The following PHLDB2 variants were observed in gnomAD, a reference collection of about 807,000 sequenced individuals.
PHLDB2 encodes the protein pleckstrin homology-like domain family B member 2.
A neutral mutation model predicts 123.6 loss-of-function variants in PHLDB2; 71 were observed. The ratio of observed to expected loss-of-function variants is 0.57; its 90% confidence interval spans 0.47 to 0.70. The LOEUF (loss-of-function observed/expected upper bound fraction) is 0.70. PHLDB2 is among the 30% of genes least tolerant of loss of function. The pLI is 0.00. For missense variants in PHLDB2, 1,446 were observed against 1,519.5 expected (o/e 0.95, Z 0.80); for synonymous variants, 547 against 541.6 (o/e 1.01, Z -0.14).
At chr3:111,923,758 C>G (rs1261520560) in intron 5 of PHLDB2, among the ~76,000 whole-genome samples, 1 of 152,192 alleles carries the variant, frequency 6.6e-6, no homozygotes. Flanking sequence ...TCCCTACATT[C>G]AGTTGATTAC....
chr3:111,935,500 AAGAT>A (rs67765854), intron 6 of PHLDB2, among the ~76,000 whole-genome samples: 3,613 of 145,714 alleles, frequency 0.025, 61 homozygotes, highest in African/African-American at 0.033. Flanking sequence ...ATGTGTATAT[AAGAT>A]AGATAGATAG....
chr3:111,751,744 C>T (rs1021626595), intron 1 of PHLDB2, among the ~76,000 whole-genome samples: 1 of 151,210 alleles, frequency 6.6e-6, no homozygotes, highest in East Asian at 1.9e-4. Flanking sequence ...TGCTAAATGA[C>T]GAGTTAATGG....
chr3:111,820,317 GT>G, intron 1 of PHLDB2, among the ~76,000 whole-genome samples: 1 of 152,196 alleles, frequency 6.6e-6, no homozygotes, highest in Admixed American at 6.5e-5. Flanking sequence ...TTAAAGAAAT[GT>G]TTTTTTCTTC....
At chr3:111,903,761 A>G (rs767342706) in intron 2 of PHLDB2, among the ~76,000 whole-genome samples, 4 of 152,200 alleles carry the variant, frequency 2.6e-5, no homozygotes, top group Admixed American at 2.6e-4. Flanking sequence ...TTGAAAGCAC[A>G]TAGTCTATCA....
intron 4 of PHLDB2, 36 bp from the exon 5 acceptor site, chr3:111,920,246 G>T (rs2068423951): frequency 6.3e-7 from 1 of 1,599,722 alleles, no homozygotes; most frequent in South Asian, 1.1e-5. Context: ...TATCCCCAAA[G>T]GTGAAACACT....
chr3:111,835,847 G>T (rs2063371658), intron 1 of PHLDB2, among the ~76,000 whole-genome samples: 1 of 152,154 alleles, frequency 6.6e-6, no homozygotes, highest in Non-Finnish European at 1.5e-5. Context: ...GGTTCCAAGG[G>T]CTAGCTTCTC....
intron 1 of PHLDB2, among the ~76,000 whole-genome samples, chr3:111,842,539 T>C (rs1049669755): frequency 6.6e-6 from 1 of 152,244 alleles, no homozygotes; most frequent in Non-Finnish European, 1.5e-5. Flanking sequence ...TACAGTATCT[T>C]ACGGAGTATT....
Position 111,852,525 on chromosome 3 carries a change from G to T in PHLDB2, c.67+6590G>T, listed in dbSNP as rs531675376. ...ACTGGAGGGATGATGAAAGTCAGAT[G>T]AAAGGAAAAACAAAGAAAACCAACA... On this transcript the variant is annotated intron_variant, in intron 2 of 17. Transcript: ENST00000393923. 3.9e-4 allele frequency among the ~76,000 whole-genome samples: 59 copies of T among 152,024 alleles called. 1 individual carries two copies. The highest frequency in any genetic ancestry group is 1.3e-3 in the African/African-American group (56 of 41,494).
intron 1 of PHLDB2, among the ~76,000 whole-genome samples, chr3:111,735,380 C>T (rs982069843): frequency 6.6e-6 from 1 of 152,160 alleles, no homozygotes; most frequent in Admixed American, 6.5e-5. Context: ...CCGCCCCCCA[C>T]CCCTAGTTTC....
At chr3:111,836,078 G>C (rs2108520258) in intron 1 of PHLDB2, among the ~76,000 whole-genome samples, 1 of 152,258 alleles carries the variant, frequency 6.6e-6, no homozygotes. Context: ...CTACAGACAT[G>C]CCAATGTCCT....
chr3:111,802,725 A>ATGCT (rs2061422866), intron 1 of PHLDB2, among the ~76,000 whole-genome samples: 1 of 152,214 alleles, frequency 6.6e-6, no homozygotes, highest in Admixed American at 6.5e-5. Flanking sequence ...AGAGTGAGGC[A>ATGCT]AGCATCATGC....
chr3:111,895,115 G>A (rs1335647701), intron 2 of PHLDB2, among the ~76,000 whole-genome samples: 4 of 151,846 alleles, frequency 2.6e-5, no homozygotes, highest in African/African-American at 9.7e-5. Flanking sequence ...GAGATGGGCA[G>A]AAAAGCAGTG....
intron 1 of PHLDB2, among the ~76,000 whole-genome samples, chr3:111,882,249 C>T (rs1576987886): frequency 6.6e-6 from 1 of 151,908 alleles, no homozygotes; most frequent in South Asian, 2.1e-4. Flanking sequence ...TTTTCACTTC[C>T]AAAATATTTA....
chr3:111,802,553 G>A (rs749546134), intron 1 of PHLDB2, among the ~76,000 whole-genome samples: 6 of 152,184 alleles, frequency 3.9e-5, no homozygotes, highest in South Asian at 2.1e-4. Context: ...GCAAGATGAC[G>A]TGTAACCTCT....
chr3:111,831,125 T>C (rs1238054957), intron 1 of PHLDB2, among the ~76,000 whole-genome samples: 1 of 152,050 alleles, frequency 6.6e-6, no homozygotes, highest in Non-Finnish European at 1.5e-5. Flanking sequence ...AATCCCTACC[T>C]ATACTTAATC....
chr3:111,964,285 C>CCA (rs144106916), intron 13 of PHLDB2, among the ~76,000 whole-genome samples: 26,507 of 150,334 alleles, frequency 0.18, 2,538 homozygotes, highest in South Asian at 0.39. Context: ...ATGTGTCTCA[C>CCA]CACACACACA....
intron 13 of PHLDB2, among the ~76,000 whole-genome samples, chr3:111,963,917 T>C (rs1230040622): frequency 1.3e-5 from 2 of 152,214 alleles, no homozygotes; most frequent in East Asian, 3.8e-4. Context: ...CCCTGATGTT[T>C]ATCACTTATT....
intron 1 of PHLDB2, among the ~76,000 whole-genome samples, chr3:111,765,342 G>A (rs981573708): frequency 6.6e-6 from 1 of 152,174 alleles, no homozygotes; most frequent in African/African-American, 2.4e-5. Context: ...ACTAACAAGT[G>A]ACTGTGCTTT....
chr3:111,956,906 T>C (rs753318490), intron 12 of PHLDB2: 1 of 152,244 alleles, frequency 6.6e-6, no homozygotes, highest in Non-Finnish European at 1.5e-5. Flanking sequence ...AAAAAAATTA[T>C]ACCTGGCATA....
Sources: gnomAD v4.1 joint callset for allele counts (sites outside exome capture counted in the v4.1 genomes callset) on GRCh38, gnomAD v4.1.1 for gene constraint, MANE v1.5 for transcripts, NCBI Gene and HGNC (gene_info 2026-07-23, HGNC 2026-07-21) for gene names.